Variants in PAGR1 observed in about 807,000 individuals in gnomAD.
PAGR1 encodes the protein PAXIP1 associated glutamate rich protein 1, also known as PAXIP1-associated glutamate-rich protein 1.
A neutral mutation model predicts 22.4 loss-of-function variants in PAGR1; 20 were observed. The ratio of observed to expected loss-of-function variants is 0.89; its 90% CI spans 0.63 to 1.30. The LOEUF is 1.30. Ranked by LOEUF, PAGR1 falls within the 50% of genes most tolerant of loss-of-function variation. The pLI is 0.00. For synonymous variants in PAGR1, 161 were observed against 148.3 expected, an observed-to-expected ratio of 1.09 and a Z score of -0.62; for missense variants, 338 against 343.6, an observed-to-expected ratio of 0.98 and a Z score of 0.13.
At chr16:29,819,105 T>C (rs4788184) in intron 2 of PAGR1, among the ~76,000 whole-genome samples, 145,640 of 151,992 alleles carry the variant, frequency 0.96, 70,047 homozygotes, top group Non-Finnish European at 1. Context: ...AAGCGATTCT[T>C]CTGCCTCAGC....
intron 2 of PAGR1, among the ~76,000 whole-genome samples, chr16:29,817,561 C>T (rs1052274709): frequency 8.2e-5 from 12 of 147,094 alleles, no homozygotes; most frequent in Middle Eastern, 3.2e-3. Context: ...GCAACCTCCG[C>T]CTCCTGGGTT....
intron 2 of PAGR1, 51 bp from the exon 3 acceptor site, chr16:29,819,504 G>A (rs1259513150): frequency 1.9e-6 from 3 of 1,591,356 alleles, no homozygotes; most frequent in Middle Eastern, 1.7e-4. Context: ...AGGCAGGTAT[G>A]GTGTACACCA....
Position 29,821,202 on chromosome 16 carries a change from T to G in PAGR1, c.*1448T>G, listed in dbSNP as rs1225599818. 6.6e-6 allele frequency: 1 copy of G among 152,264 alleles called. No homozygotes were observed. The highest frequency in any genetic ancestry group is 6.5e-5 in the Admixed American group (1 of 15,274). The allele number at this position is 152,264 out of a possible 1,614,324, so 9.4% of individuals were successfully genotyped here. A position where few individuals can be genotyped will look rare whatever the true frequency, so the allele number is the denominator to read the frequency against. ...GCCAAGCACTTGGGGGTGGAGGTGATAGCGAGGCTGATGGCCCCTGTGTTC... is the reference window on the plus strand; with the variant it reads ...GCCAAGCACTTGGGGGTGGAGGTGAGAGCGAGGCTGATGGCCCCTGTGTTC... On this transcript the variant is annotated 3_prime_UTR_variant, in exon 3 of 3. Coordinates refer to ENST00000320330, the MANE Select transcript of PAGR1 (RefSeq NM_024516.4).
rs572116724 is a variant in PAGR1, at chr16:29,819,788, C to G, written c.*34C>G. 2.5e-6 allele frequency: 4 copies of G among 1,578,794 alleles called. No homozygotes were observed. Among genetic ancestry groups the G allele is most frequent in the East Asian group, 4.5e-5 (2 of 44,096 alleles). Reference sequence around the variant, plus strand: ...GCTCCTGCCTCTAGGGTGCAGTGTCCGTACCTGCTGGAGCCTGGGCCCTCC... The same window carrying G: ...GCTCCTGCCTCTAGGGTGCAGTGTCGGTACCTGCTGGAGCCTGGGCCCTCC... On this transcript the variant is annotated 3_prime_UTR_variant, in exon 3 of 3. Coordinates refer to ENST00000320330, the MANE Select transcript of PAGR1 (RefSeq NM_024516.4).
chr16:29,816,346 C>T lies in PAGR1; in HGVS notation c.-180C>T, dbSNP rs942084754. On this transcript the variant is annotated 5_prime_UTR_variant, in exon 1 of 3. Transcript: ENST00000320330. ...GAGTACCGAACCTCGATCTCCGGGG[C>T]GGGGTCCTTGGTGGGGACTGAGCGC... 1 of 513,338 alleles carries T rather than the reference C, an allele frequency of 1.9e-6. No individual in the cohort carries two copies. Among genetic ancestry groups the T allele is most frequent in the East Asian group, 3.4e-5 (1 of 29,338 alleles). 31.8% of individuals were successfully genotyped at this position (513,338 alleles called of 1,614,324 possible).
chr16:29,816,593 A>G lies in PAGR1; in HGVS notation c.68A>G (p.Glu23Gly). Reference sequence around the variant, plus strand: ...GCGGCGCCTCTGTCTGAAGAAGGGGAAGTGACCTCCGGCCTCCAGGCTCTG... The same window carrying G: ...GCGGCGCCTCTGTCTGAAGAAGGGGGAGTGACCTCCGGCCTCCAGGCTCTG... ...STAAPLSEEG[E>G]VTSGLQALAV... The change falls in exon 1 of 3, where the codon GAA becomes GGA. Residue 23 changes from glutamate to glycine, a missense_variant. Transcript: ENST00000320330. 6.6e-7 allele frequency: 1 copy of G among 1,515,850 alleles called. No homozygotes were observed. The allele number at this position is 1,515,850 out of a possible 1,614,324, so 93.9% of individuals were successfully genotyped here. A position where few individuals can be genotyped will look rare whatever the true frequency, so the allele number is the denominator to read the frequency against.
Position 29,816,434 on chromosome 16 carries a change from C to T in PAGR1, c.-92C>T. The T allele has an allele frequency of 6.3e-6, 8 of 1,265,592 alleles. No individual in the cohort carries two copies. The highest frequency in any genetic ancestry group is 8.2e-6 in the Non-Finnish European group (8 of 980,658). The allele number at this position is 1,265,592 out of a possible 1,614,324, so 78.4% of individuals were successfully genotyped here. A position where few individuals can be genotyped will look rare whatever the true frequency, so the allele number is the denominator to read the frequency against. ...CTGCGGGAGCGTGATTGGCTGGAAA[C>T]GGTCCCGAACCCCCAGGGGAGCCCG... On this transcript the variant is annotated 5_prime_UTR_variant, in exon 1 of 3. The change creates a new upstream start codon in the 5' untranslated region. Coordinates refer to ENST00000320330, the MANE Select transcript of PAGR1 (RefSeq NM_024516.4).
chr16:29,816,667 G>A lies in PAGR1; in HGVS notation c.142G>A (p.Asp48Asn), dbSNP rs1405216855. 2 of 1,581,584 alleles carry A rather than the reference G, an allele frequency of 1.3e-6. No individual in the cohort carries two copies. Among genetic ancestry groups the A allele is most frequent in the Non-Finnish European group, 1.7e-6 (2 of 1,161,708 alleles). Residue 48 changes from aspartate to asparagine, a missense_variant, in exon 1 of 3, where the codon GAC (aspartate) becomes AAC (asparagine). Coordinates refer to ENST00000320330, the MANE Select transcript of PAGR1 (RefSeq NM_024516.4). ...CTCTGCCTCGGCCGGTAAGGCCGAG[G>A]ACGAGGGGGAAGGAGGCCGAGAGGA... ...GPSASAGKAEDEGEGGREETE... is the reference protein window; with the variant it reads ...GPSASAGKAENEGEGGREETE...
chr16:29,817,384 C>T, intron 2 of PAGR1, 92 bp downstream of exon 2: 2 of 1,188,220 alleles, frequency 1.7e-6, no homozygotes, highest in Non-Finnish European at 2.5e-6. Context: ...CTTGCTGCCT[C>T]AGCTCCCACA....
At chr16:29,818,787 T>C (rs1190420561) in intron 2 of PAGR1, among the ~76,000 whole-genome samples, 3 of 152,176 alleles carry the variant, frequency 2.0e-5, no homozygotes, top group Non-Finnish European at 4.4e-5. Context: ...GGTCTTGAAC[T>C]CCTGACCTAA....
intron 2 of PAGR1, among the ~76,000 whole-genome samples, chr16:29,817,521 T>C (rs1303780505): frequency 6.8e-6 from 1 of 146,022 alleles, no homozygotes; most frequent in African/African-American, 2.6e-5. Flanking sequence ...TCCCCCAGGC[T>C]GGAGTGCAAT....
In PAGR1 at chr16:29,816,372, C is replaced by T. The variant is rs897078845; in HGVS notation, c.-154C>T. 3.5e-5 allele frequency: 26 copies of T among 742,312 alleles called. No individual in the cohort carries two copies. The African/African-American group carries it at 4.2e-4, about 12-fold the overall frequency. The allele number at this position is 742,312 out of a possible 1,614,324, so 46.0% of individuals were successfully genotyped here. A position where few individuals can be genotyped will look rare whatever the true frequency, so the allele number is the denominator to read the frequency against. ...GGGGTCCTTGGTGGGGACTGAGCGC[C>T]CCCTCCCGGGGACGGGCGGTCTGGC... On this transcript the variant is annotated 5_prime_UTR_variant, in exon 1 of 3. Transcript: ENST00000320330.
In PAGR1 at chr16:29,820,384, C is replaced by G. The variant is rs1400060447; in HGVS notation, c.*630C>G. The stretch of plus-strand genomic sequence containing the variant: ...GGATAAAATGAGAACCAGCTGCACA[C>G]GGGCCCTTTAACTCCCAAGCCCCAC... On this transcript the variant is annotated 3_prime_UTR_variant, in exon 3 of 3. Coordinates refer to ENST00000320330, the MANE Select transcript of PAGR1 (RefSeq NM_024516.4). The G allele has an allele frequency of 6.6e-6, 1 of 152,286 alleles. No individual in the cohort carries two copies. Among genetic ancestry groups the G allele is most frequent in the Non-Finnish European group, 1.5e-5 (1 of 68,102 alleles). 9.4% of individuals were successfully genotyped at this position (152,286 alleles called of 1,614,324 possible). A position where few individuals can be genotyped will look rare whatever the true frequency, so the allele number is the denominator to read the frequency against.
At position 29,819,645 on chromosome 16, in the gene PAGR1, T is replaced by G. The variant is rs1900320043; in HGVS notation, c.656T>G (p.Leu219Arg). The change falls in exon 3 of 3, where the codon CTT becomes CGT. Residue 219 changes from leucine to arginine, a missense_variant. Leu to Arg is a moderately radical substitution (Grantham distance 102). Coordinates refer to ENST00000320330, the MANE Select transcript of PAGR1 (RefSeq NM_024516.4). ...KRHKKLEEQI[L>R]RTGRDLFSLD... Reference sequence around the variant, plus strand: ...CACAAGAAGCTGGAGGAGCAGATCCTTCGTACCGGGAGGGACCTCTTCAGC... The same window carrying G: ...CACAAGAAGCTGGAGGAGCAGATCCGTCGTACCGGGAGGGACCTCTTCAGC... 6.2e-7 allele frequency: 1 copy of G among 1,613,976 alleles called. No homozygotes were observed. The highest frequency in any genetic ancestry group is 1.1e-5 in the South Asian group (1 of 91,080).
chr16:29,816,211 CCGTGTCCGGGTGTGGAGAGGGG>C lies in PAGR1; in HGVS notation c.-311_-290del, dbSNP rs1457923854. 4.1e-5 allele frequency: 16 copies of C among 392,754 alleles called. No individual in the cohort carries two copies. The East Asian group carries it at 5.1e-4, about 13-fold the overall frequency. The allele number at this position is 392,754 out of a possible 1,614,324, so 24.3% of individuals were successfully genotyped here. ...AACTGAAAGGTCTGGGGAGAAGGCG[CCGTGTCCGGGTGTGGAGAGGGG>C]CGTCGTGGAAGCGAGAAGAGTGGCC... On this transcript the variant is annotated 5_prime_UTR_variant, in exon 1 of 3. Coordinates refer to ENST00000320330, the MANE Select transcript of PAGR1 (RefSeq NM_024516.4).
rs569882941 is a variant in PAGR1, at chr16:29,821,937, A to G, written c.*2183A>G. On this transcript the variant is annotated 3_prime_UTR_variant, in exon 3 of 3. Transcript: ENST00000320330. Reference sequence around the variant, plus strand: ...CAGCAGGAGTGGGGTTAAGAATTCCAGCCTAGGGCTGGATGCGGTGGCTCA... The same window carrying G: ...CAGCAGGAGTGGGGTTAAGAATTCCGGCCTAGGGCTGGATGCGGTGGCTCA... 6.6e-6 allele frequency among the ~76,000 whole-genome samples: 1 copy of G among 152,322 alleles called. No individual in the cohort carries two copies. The highest frequency in any genetic ancestry group is 2.4e-5 in the African/African-American group (1 of 41,576).
chr16:29,816,177 G>A lies in PAGR1; in HGVS notation c.-349G>A, dbSNP rs922660802. 5.6e-6 allele frequency: 2 copies of A among 355,922 alleles called. No individual in the cohort carries two copies. Among genetic ancestry groups the A allele is most frequent in the African/African-American group, 2.1e-5 (1 of 47,798 alleles). The allele number at this position is 355,922 out of a possible 1,614,324, so 22.0% of individuals were successfully genotyped here. On this transcript the variant is annotated 5_prime_UTR_variant, in exon 1 of 3. The change creates a new upstream start codon in the 5' untranslated region. Coordinates refer to ENST00000320330, the MANE Select transcript of PAGR1 (RefSeq NM_024516.4). ...AGGTGCGTACGGCATCTGACTTGAC[G>A]TGGCCCACAACTGAAAGGTCTGGGG... is the stretch of plus-strand genomic sequence containing the variant.
At position 29,821,751 on chromosome 16, in the gene PAGR1, G is replaced by A. The variant is rs1232664955; in HGVS notation, c.*1997G>A. ...TTCTTAACTTGCAGGTTCTTGTGAGGATAACATGAGTTAATTGAGGGCACT... is the reference window on the plus strand; with the variant it reads ...TTCTTAACTTGCAGGTTCTTGTGAGAATAACATGAGTTAATTGAGGGCACT... On this transcript the variant is annotated 3_prime_UTR_variant, in exon 3 of 3. Transcript: ENST00000320330. 6.6e-6 allele frequency among the ~76,000 whole-genome samples: 1 copy of A among 152,218 alleles called. No individual in the cohort carries two copies. Among genetic ancestry groups the A allele is most frequent in the Non-Finnish European group, 1.5e-5 (1 of 68,038 alleles).
Position 29,821,297 on chromosome 16 carries a change from C to G in PAGR1, c.*1543C>G, listed in dbSNP as rs2067357503. ...AGCTGTCACGTGGGGTATCAGGTGG[C>G]TCTGCCAGAAACTCCCTTGGCACAC... On this transcript the variant is annotated 3_prime_UTR_variant, in exon 3 of 3. Transcript: ENST00000320330. 6.6e-6 allele frequency: 1 copy of G among 152,398 alleles called. No individual in the cohort carries two copies. The highest frequency in any genetic ancestry group is 2.4e-5 in the African/African-American group (1 of 41,440). The allele number at this position is 152,398 out of a possible 1,614,324, so 9.4% of individuals were successfully genotyped here.
Sources: allele counts gnomAD v4.1 joint callset (sites outside exome capture counted in the v4.1 genomes callset), GRCh38; gene constraint gnomAD v4.1.1; transcripts MANE v1.5; gene names NCBI Gene and HGNC (gene_info 2026-07-23, HGNC 2026-07-21).